Variants in RNF217 observed in about 807,000 individuals in gnomAD.
The protein encoded by RNF217 is ring finger protein 217.
Under a neutral mutation model 57.8 loss-of-function variants are expected in RNF217, and 31 were observed. The observed-to-expected ratio is 0.54, with a 90% CI of 0.40 to 0.72. The LOEUF is 0.72. Ranked by LOEUF, RNF217 falls within the 30% of genes least tolerant of loss-of-function variation. The pLI is 0.00. For missense variants in RNF217, 696 were observed against 708.3 expected (o/e 0.98, Z 0.20); for synonymous variants, 313 against 294.0 (o/e 1.06, Z -0.66).
At position 125,083,092 on chromosome 6, in the gene RNF217, G is replaced by T; in HGVS notation, c.*155G>T. ...CGTGGGCCACAATGCCTCTAGCTAT[G>T]GTGCACTCCCAACATGGTATCCTGT... On this transcript the variant is annotated 3_prime_UTR_variant, in exon 6 of 6. Transcript: ENST00000521654. 3.7e-6 allele frequency: 2 copies of T among 539,872 alleles called. No homozygotes were observed. Among genetic ancestry groups the T allele is most frequent in the Non-Finnish European group, 6.4e-6 (2 of 310,278 alleles). 33.4% of individuals were successfully genotyped at this position (539,872 alleles called of 1,614,324 possible).
In RNF217 at chr6:124,962,437, A is replaced by T; in HGVS notation, c.-108A>T. The T allele has an allele frequency of 2.7e-6, 1 of 364,830 alleles. No homozygotes were observed. Among genetic ancestry groups the T allele is most frequent in the Non-Finnish European group, 4.2e-6 (1 of 239,152 alleles). The allele number at this position is 364,830 out of a possible 1,614,324, so 22.6% of individuals were successfully genotyped here. A position where few individuals can be genotyped will look rare whatever the true frequency, so the allele number is the denominator to read the frequency against. On this transcript the variant is annotated 5_prime_UTR_variant, in exon 1 of 6. Transcript: ENST00000521654. This position sits in a 1 kb window ranked among gnomAD's most constrained non-coding sequence, Gnocchi z 4.6. ...AGCCCAGGAGGAAGGACCCGGAAGCAGAAGCGGAGCCGCGAGTCGAGCCGA... is the reference window on the plus strand; with the variant it reads ...AGCCCAGGAGGAAGGACCCGGAAGCTGAAGCGGAGCCGCGAGTCGAGCCGA...
At chr6:124,983,300 T>C in intron 1 of RNF217, 1 of 883,052 alleles carries the variant, frequency 1.1e-6, no homozygotes, top group Non-Finnish European at 1.4e-6. Flanking sequence ...GACAATCAGA[T>C]TCTGGTAATT....
At chr6:125,025,568 AAAG>A (rs933209539) in intron 1 of RNF217, among the ~76,000 whole-genome samples, 4 of 140,390 alleles carry the variant, frequency 2.8e-5, no homozygotes, top group Non-Finnish European at 4.5e-5. Flanking sequence ...GGAAGGAAGA[AAAG>A]AAGGAAGGGA....
At chr6:124,990,633 A>C (rs2325762) in intron 1 of RNF217, among the ~76,000 whole-genome samples, 37,156 of 152,094 alleles carry the variant, frequency 0.24, 4,878 homozygotes, top group East Asian at 0.39. Context: ...CTACCTTTAA[A>C]ATATAACCAG....
intron 2 of RNF217, among the ~76,000 whole-genome samples, chr6:125,054,956 A>C (rs497277): frequency 0.4 from 60,333 of 151,964 alleles, 12,368 homozygotes; most frequent in African/African-American, 0.45. Flanking sequence ...TGTGGTGGGT[A>C]TGTGGTTGTG....
chr6:125,040,241 T>C (rs1481402081), intron 1 of RNF217, among the ~76,000 whole-genome samples: 1 of 151,750 alleles, frequency 6.6e-6, no homozygotes. Context: ...ATAGACACAA[T>C]AAAAATGATA....
At chr6:124,994,762 G>T (rs12203925) in intron 1 of RNF217, among the ~76,000 whole-genome samples, 5,003 of 152,208 alleles carry the variant, frequency 0.033, 124 homozygotes, top group Non-Finnish European at 0.045. Flanking sequence ...TTCCAACTAT[G>T]CTTTCATCTT....
chr6:125,008,473 A>C (rs927738503), intron 1 of RNF217, among the ~76,000 whole-genome samples: 1 of 152,182 alleles, frequency 6.6e-6, no homozygotes, highest in African/African-American at 2.4e-5. Context: ...AATCGCATGC[A>C]TACTGCGAGT....
At chr6:125,026,869 T>C (rs1053781173) in intron 1 of RNF217, among the ~76,000 whole-genome samples, 5 of 152,192 alleles carry the variant, frequency 3.3e-5, no homozygotes, top group Non-Finnish European at 1.5e-5. Flanking sequence ...ATACTAGTTA[T>C]AGAGTAGTAT....
chr6:125,042,571 AG>A (rs1261125256), intron 1 of RNF217, among the ~76,000 whole-genome samples: 2 of 152,236 alleles, frequency 1.3e-5, no homozygotes, highest in East Asian at 3.9e-4. Context: ...AGCAAGAGGA[AG>A]TAATATATTC....
chr6:125,021,728 C>A (rs180972837), intron 1 of RNF217, among the ~76,000 whole-genome samples: 8 of 152,158 alleles, frequency 5.3e-5, no homozygotes, highest in Admixed American at 3.3e-4. Flanking sequence ...TTCTGTTTTC[C>A]CAGTTTCCTT....
chr6:124,963,495 C>A, intron 1 of RNF217, 69 bp downstream of exon 1: 1 of 1,421,070 alleles, frequency 7.0e-7, no homozygotes, highest in African/African-American at 1.4e-5. Context: ...TGCTCTCGAT[C>A]TGATCTCCCT....
intron 1 of RNF217, among the ~76,000 whole-genome samples, chr6:125,016,250 C>A (rs1274929811): frequency 1.3e-5 from 2 of 152,132 alleles, no homozygotes; most frequent in East Asian, 3.9e-4. Flanking sequence ...AAATTAAACA[C>A]CTAATTGTAG....
chr6:125,038,737 T>C (rs911228497), intron 1 of RNF217, among the ~76,000 whole-genome samples: 1 of 152,216 alleles, frequency 6.6e-6, no homozygotes, highest in Non-Finnish European at 1.5e-5. Flanking sequence ...GATTCACGGC[T>C]TAATTCACTT....
At chr6:125,052,011 A>G (rs1162761376) in intron 2 of RNF217, among the ~76,000 whole-genome samples, 2 of 152,042 alleles carry the variant, frequency 1.3e-5, no homozygotes, top group East Asian at 1.9e-4. Context: ...AGGTGTTTCC[A>G]GGTGGTAGGA....
chr6:125,068,675 T>G (rs1788027530), intron 3 of RNF217, among the ~76,000 whole-genome samples: 1 of 152,186 alleles, frequency 6.6e-6, no homozygotes, highest in Non-Finnish European at 1.5e-5. Context: ...ATGTATAAGC[T>G]CTTTAAAGGC....
chr6:125,063,129 A>G (rs1477189707), intron 3 of RNF217, among the ~76,000 whole-genome samples: 3 of 152,216 alleles, frequency 2.0e-5, no homozygotes, highest in Non-Finnish European at 4.4e-5. Context: ...TGGAGGTATC[A>G]GAATATTTGT....
At chr6:125,081,349 A>G in intron 4 of RNF217, 87 bp from the exon 5 acceptor site, 1 of 921,106 alleles carries the variant, frequency 1.1e-6, no homozygotes, top group Non-Finnish European at 1.7e-6. Context: ...AAAATAATAT[A>G]CACTGTGGTA....
At chr6:125,061,976 T>G (rs980237235) in intron 3 of RNF217, among the ~76,000 whole-genome samples, 2 of 152,050 alleles carry the variant, frequency 1.3e-5, no homozygotes, top group African/African-American at 4.8e-5. Flanking sequence ...CAATTGTGTT[T>G]ATGGGATGAC....
Sources: gnomAD v4.1 joint callset for allele counts (sites outside exome capture counted in the v4.1 genomes callset) on GRCh38, gnomAD v4.1.1 for gene constraint, Gnocchi (gnomAD v3.1) non-coding constraint, MANE v1.5 for transcripts, NCBI Gene and HGNC (gene_info 2026-07-23, HGNC 2026-07-21) for gene names.